REV3L: variants seen among roughly 807,000 people sequenced by gnomAD.
The protein encoded by REV3L is REV3 like, DNA directed polymerase zeta catalytic subunit.
REV3L carries 69 observed loss-of-function variants against 299.4 expected under a neutral mutation model. The observed-to-expected ratio is 0.23, with a 90% CI of 0.19 to 0.28. REV3L has a LOEUF of 0.28. REV3L is among the 10% of genes least tolerant of loss of function. The probability of loss-of-function intolerance (pLI) is 1.00; values close to 1 mark genes in which losing one functional copy is unlikely to be tolerated. For missense variants in REV3L, 3,128 were observed against 3,693.8 expected (o/e 0.85, Z 3.97); for synonymous variants, 1,238 against 1,271.4 (o/e 0.97, Z 0.56).
chr6:111,431,842 C>A, intron 1 of REV3L: 3 of 529,134 alleles, frequency 5.7e-6, no homozygotes, highest in Admixed American at 3.4e-5. Flanking sequence ...AACTTAGAAA[C>A]GCTTTTTAGA....
chr6:111,316,902 T>C (rs455834), intron 26 of REV3L, among the ~76,000 whole-genome samples: 92,835 of 151,998 alleles, frequency 0.61, 29,176 homozygotes, highest in East Asian at 0.77. Flanking sequence ...AACACCAATA[T>C]AAAATATACT....
chr6:111,408,949 T>A (rs1202293030), intron 3 of REV3L, among the ~76,000 whole-genome samples: 1 of 152,182 alleles, frequency 6.6e-6, no homozygotes, highest in Non-Finnish European at 1.5e-5. Context: ...CCTCCCAAAG[T>A]GCTGGAATTA....
chr6:111,301,648 C>G (rs1771538684), intron 31 of REV3L, among the ~76,000 whole-genome samples: 1 of 152,110 alleles, frequency 6.6e-6, no homozygotes, highest in African/African-American at 2.4e-5. Flanking sequence ...GGCATGAAAG[C>G]CTAAGAATCT....
At chr6:111,430,354 A>G (rs1786752201) in intron 1 of REV3L, 6 of 1,208,668 alleles carry the variant, frequency 5.0e-6, no homozygotes, top group Admixed American at 3.4e-5. Flanking sequence ...TAAACACCCA[A>G]TGGATTTTAA....
Position 111,351,751 on chromosome 6 carries a change from G to A in REV3L, c.7225C>T (p.His2409Tyr). Residue 2409 changes from histidine (H) to tyrosine (Y), a missense_variant, in exon 19 of 32, where the codon CAT becomes TAT. By Grantham distance (83) the His-to-Tyr change is moderately conservative. Coordinates refer to ENST00000368802, the MANE Select transcript of REV3L (RefSeq NM_001372078.1). ...DILLGYEIQM[H>Y]SWGYLLQRAA... ...CTTTGTAAGAGGTAACCCCAGGAAT[G>A]CATCTGAATCTCATATCCTAGCAGA... 1 of 1,613,444 alleles carries A rather than the reference G, an allele frequency of 6.2e-7. No individual in the cohort carries two copies. The highest frequency in any genetic ancestry group is 8.5e-7 in the Non-Finnish European group (1 of 1,179,594).
chr6:111,377,524 CG>C (rs1171378556), intron 12 of REV3L, among the ~76,000 whole-genome samples, 176 bp downstream of exon 12: 15 of 151,832 alleles, frequency 9.9e-5, no homozygotes, highest in African/African-American at 2.9e-4. Flanking sequence ...TTTTTAGAGA[CG>C]GGGGTCCCAC....
Position 111,358,905 on chromosome 6 carries a change from G to C in REV3L, c.6989C>G (p.Ser2330Cys). Reference sequence around the variant, plus strand: ...TTCTGTATCTGGCAGTGGAGTGTCAGATGAGATGCAGTAGAACAGAGCACA... The same window carrying C: ...TTCTGTATCTGGCAGTGGAGTGTCACATGAGATGCAGTAGAACAGAGCACA... ...PICALFYCISSDTPLPDTEKT... is the reference protein window; with the variant it reads ...PICALFYCISCDTPLPDTEKT... The change falls in exon 17 of 32, where the codon TCT becomes TGT. Residue 2330 changes from serine (S) to cysteine (C), a missense_variant. Ser to Cys is a moderately radical substitution (Grantham distance 112). Coordinates refer to ENST00000368802, the MANE Select transcript of REV3L (RefSeq NM_001372078.1). 1 of 1,614,108 alleles carries C rather than the reference G, an allele frequency of 6.2e-7. No homozygotes were observed. The highest frequency in any genetic ancestry group is 8.5e-7 in the Non-Finnish European group (1 of 1,179,978).
Position 111,463,691 on chromosome 6 carries a change from G to C in REV3L, c.139+19059C>G, listed in dbSNP as rs574745614. 2.2e-3 allele frequency among the ~76,000 whole-genome samples: 333 copies of C among 152,248 alleles called. 1 individual carries two copies. Among genetic ancestry groups the C allele is most frequent in the African/African-American group, 7.5e-3 (313 of 41,538 alleles). ...AAACTTTAAGAAAAACTTTGTAGCA[G>C]ATCTCCAAATGACATTTTGTTCAAC... On this transcript the variant is annotated intron_variant, in intron 1 of 31. Coordinates refer to ENST00000368802, the MANE Select transcript of REV3L (RefSeq NM_001372078.1).
intron 1 of REV3L, among the ~76,000 whole-genome samples, chr6:111,439,592 A>G (rs1389261228): frequency 6.6e-6 from 1 of 152,192 alleles, no homozygotes; most frequent in Non-Finnish European, 1.5e-5. Flanking sequence ...AAAACAAAAG[A>G]AATCGTTTTG....
chr6:111,458,718 T>C (rs779401520), intron 1 of REV3L, among the ~76,000 whole-genome samples: 1 of 151,890 alleles, frequency 6.6e-6, no homozygotes, highest in Non-Finnish European at 1.5e-5. Flanking sequence ...TAGGAATACA[T>C]CTAATGAAAG....
intron 17 of REV3L, 116 bp downstream of exon 17, chr6:111,358,706 A>C: frequency 1.3e-6 from 1 of 751,636 alleles, no homozygotes; most frequent in East Asian, 2.6e-5. Flanking sequence ...ACCTCAGCAA[A>C]CATTTTAGAA....
At chr6:111,387,683 T>C in intron 9 of REV3L, 82 bp downstream of exon 9, 3 of 1,369,594 alleles carry the variant, frequency 2.2e-6, no homozygotes, top group Non-Finnish European at 3.0e-6. Context: ...AAAAAATCCC[T>C]AGCAAACTCA....
At position 111,352,046 on chromosome 6, in the gene REV3L, G is replaced by T. The variant is rs556993762; in HGVS notation, c.7185-255C>A. 5.3e-5 allele frequency among the ~76,000 whole-genome samples: 8 copies of T among 150,730 alleles called. No individual in the cohort carries two copies. In the South Asian group the frequency reaches 1.7e-3, roughly 31 times the overall value. On this transcript the variant is annotated intron_variant, in intron 18 of 31. Coordinates refer to ENST00000368802, the MANE Select transcript of REV3L (RefSeq NM_001372078.1). ...TTTTGAGATGGGGTCTCACTCTGTT[G>T]TCCAGGCTGGATTGCAGTGGCATGA...
At chr6:111,424,944 AG>A (rs1785992281) in intron 1 of REV3L, among the ~76,000 whole-genome samples, 1 of 152,202 alleles carries the variant, frequency 6.6e-6, no homozygotes, top group African/African-American at 2.4e-5. Context: ...GGCTTGGAAA[AG>A]CTTTGATACA....
intron 5 of REV3L, among the ~76,000 whole-genome samples, chr6:111,390,422 G>A (rs978896339): frequency 2.0e-5 from 3 of 151,914 alleles, no homozygotes; most frequent in Non-Finnish European, 4.4e-5. Flanking sequence ...TACGTATTTT[G>A]GTTCATTATA....
At chr6:111,421,009 T>A (rs1224858500) in intron 1 of REV3L, among the ~76,000 whole-genome samples, 2 of 152,032 alleles carry the variant, frequency 1.3e-5, no homozygotes, top group Non-Finnish European at 2.9e-5. Context: ...GTGCCTGTAG[T>A]CCCAGACACT....
chr6:111,405,678 T>C (rs552171053), intron 3 of REV3L, 48 bp from the exon 4 acceptor site: 1 of 1,270,106 alleles, frequency 7.9e-7, no homozygotes, highest in Non-Finnish European at 1.1e-6. Context: ...TTCCCTAAAA[T>C]GTTAAATGAA....
intron 1 of REV3L, 142 bp downstream of exon 1, chr6:111,482,608 G>A (rs1281796054): frequency 5.7e-6 from 2 of 350,458 alleles, no homozygotes; most frequent in Non-Finnish European, 8.4e-6. Flanking sequence ...GAAAAGGCGA[G>A]GAGGGCGGAG....
chr6:111,329,996 G>A (rs913138792), intron 24 of REV3L, among the ~76,000 whole-genome samples: 2 of 152,182 alleles, frequency 1.3e-5, no homozygotes, highest in African/African-American at 2.4e-5. Context: ...CTCCAGGGAG[G>A]AGGATGTCAA....
Sources: gnomAD v4.1 joint callset for allele counts (sites outside exome capture counted in the v4.1 genomes callset) on GRCh38, gnomAD v4.1.1 for gene constraint, MANE v1.5 for transcripts, NCBI Gene and HGNC (gene_info 2026-07-23, HGNC 2026-07-21) for gene names.